Variants in ANKRD13C observed in about 807,000 individuals in gnomAD.
The protein encoded by ANKRD13C is ankyrin repeat domain 13C.
A neutral mutation model predicts 65.5 loss-of-function variants in ANKRD13C; 16 were observed. That is an observed-to-expected ratio of 0.24 (90% CI 0.17 to 0.37). The LOEUF (loss-of-function observed/expected upper bound fraction) is 0.37. Ranked by LOEUF, ANKRD13C falls within the 10% of genes least tolerant of loss-of-function variation. ANKRD13C has a pLI of 1.00. For missense variants in ANKRD13C, 503 were observed against 655.9 expected (o/e 0.77, Z 2.55); for synonymous variants, 235 against 238.7 (o/e 0.98, Z 0.14).
chr1:70,323,178 A>C (rs114321369), intron 3 of ANKRD13C, among the ~76,000 whole-genome samples: 1 of 152,176 alleles, frequency 6.6e-6, no homozygotes, highest in Admixed American at 6.5e-5. Context: ...TTTCCTTGAA[A>C]TAATTCTAGG....
chr1:70,335,279 G>A (rs528484799), intron 2 of ANKRD13C, among the ~76,000 whole-genome samples: 2 of 151,174 alleles, frequency 1.3e-5, no homozygotes, highest in Admixed American at 6.6e-5. Flanking sequence ...GGTGGCATGA[G>A]CCTGTAGTCC....
intron 9 of ANKRD13C, among the ~76,000 whole-genome samples, chr1:70,279,978 G>A (rs1254107031): frequency 6.6e-6 from 1 of 152,170 alleles, no homozygotes; most frequent in East Asian, 1.9e-4. Context: ...CAAAAGAAAA[G>A]ACTGTTTCAA....
rs201070102 is a variant in ANKRD13C, at chr1:70,274,832, A to G, written c.1296-14T>C. The G allele has an allele frequency of 9.5e-5, 148 of 1,551,260 alleles. No individual in the cohort carries two copies. In the African/African-American group the frequency reaches 1.5e-3, roughly 16 times the overall value. On this transcript the variant is annotated splice_polypyrimidine_tract_variant and intron_variant, in intron 10 of 12. Coordinates refer to ENST00000370944, the MANE Select transcript of ANKRD13C (RefSeq NM_030816.5). ...AGATGAGGAGCTCTAAAATGGGAGGAAAAAAAATGTTAGGAAACTTTTTCC... is the reference window on the plus strand; with the variant it reads ...AGATGAGGAGCTCTAAAATGGGAGGGAAAAAAATGTTAGGAAACTTTTTCC...
At chr1:70,281,904 G>A (rs1046728251) in intron 9 of ANKRD13C, among the ~76,000 whole-genome samples, 24 of 151,192 alleles carry the variant, frequency 1.6e-4, no homozygotes, top group African/African-American at 5.8e-4. Flanking sequence ...AGAGGCTGAG[G>A]CAGGAGAATC....
chr1:70,354,048 A>C lies in ANKRD13C; in HGVS notation c.361T>G (p.Phe121Val). 1 of 1,590,472 alleles carries C rather than the reference A, an allele frequency of 6.3e-7. No homozygotes were observed. The highest frequency in any genetic ancestry group is 8.6e-7 in the Non-Finnish European group (1 of 1,167,308). ...GAGAGTCTCCTCACATCCCCCTTGA[A>C]GACGCACTCGTGCACCGGGTAGTGT... ...PAHYPVHECV[F>V]KGDVRRLSSL... The change falls in exon 1 of 13, where the codon TTC (phenylalanine) becomes GTC (valine). Residue 121 changes from phenylalanine (F) to valine (V), a missense_variant. By Grantham distance (50) the Phe-to-Val change is conservative (BLOSUM62 -1). Around this residue, in one of 2 missense-constraint regions of ANKRD13C, gnomAD observed 203 missense variants for 177.6 expected, o/e 1.14. Transcript: ENST00000370944.
intron 1 of ANKRD13C, among the ~76,000 whole-genome samples, chr1:70,346,288 AC>A (rs755027558): frequency 9.2e-5 from 14 of 152,170 alleles, no homozygotes; most frequent in Non-Finnish European, 2.1e-4. Context: ...TTCATCAAAA[AC>A]ATTAAGTAAA....
intron 1 of ANKRD13C, among the ~76,000 whole-genome samples, chr1:70,343,384 T>C (rs1247737483): frequency 1.3e-5 from 2 of 152,202 alleles, no homozygotes; most frequent in Non-Finnish European, 2.9e-5. Flanking sequence ...AGCTAATTTA[T>C]TACACAAAGG....
intron 11 of ANKRD13C, among the ~76,000 whole-genome samples, chr1:70,273,032 A>G (rs1056778336): frequency 4.6e-5 from 7 of 151,690 alleles, no homozygotes; most frequent in Non-Finnish European, 8.8e-5. Flanking sequence ...TAAAATAATA[A>G]AATAAAATTG....
At chr1:70,295,072 TTTTTC>T (rs1680021983) in intron 8 of ANKRD13C, among the ~76,000 whole-genome samples, 1 of 152,098 alleles carries the variant, frequency 6.6e-6, no homozygotes, top group Non-Finnish European at 1.5e-5. Flanking sequence ...AATAATGCTA[TTTTTC>T]TTATTTCTCC....
In ANKRD13C at chr1:70,300,544, C is replaced by T. The variant is rs186379329; in HGVS notation, c.921+220G>A. 2.5e-3 allele frequency among the ~76,000 whole-genome samples: 387 copies of T among 151,904 alleles called. 1 individual carries two copies. Among genetic ancestry groups the T allele is most frequent in the Admixed American group, 4.1e-3 (63 of 15,260 alleles). Reference sequence around the variant, plus strand: ...CGGAGGTTGCAGTGAGCCTAGATCACGCCACTGCATTTCAGCCTGGGTGAC... The same window carrying T: ...CGGAGGTTGCAGTGAGCCTAGATCATGCCACTGCATTTCAGCCTGGGTGAC... On this transcript the variant is annotated intron_variant, in intron 7 of 12. Transcript: ENST00000370944.
At chr1:70,265,190 T>C (rs1175711742) in intron 12 of ANKRD13C, among the ~76,000 whole-genome samples, 1 of 152,066 alleles carries the variant, frequency 6.6e-6, no homozygotes, top group African/African-American at 2.4e-5. Context: ...AACTGGAGTT[T>C]TGGCAGATGT....
At position 70,296,157 on chromosome 1, in the gene ANKRD13C, T is replaced by C; in HGVS notation, c.1026A>G (p.Thr342=). Residue 342 remains threonine, a synonymous_variant, in exon 8 of 13, where the codon ACA becomes ACG. Transcript: ENST00000370944. ...TTTTATCTTCCCGAAAAAGCCATCC[T>C]GTCTGGGCACGCGTGAAAGAAATTG... ...TKSISFTRAQ[T]GWLFREDKTE... 6.2e-7 allele frequency: 1 copy of C among 1,613,866 alleles called. No individual in the cohort carries two copies. The highest frequency in any genetic ancestry group is 1.3e-5 in the African/African-American group (1 of 75,060).
intron 10 of ANKRD13C, among the ~76,000 whole-genome samples, 187 bp downstream of exon 10, chr1:70,276,578 C>T (rs1292633015): frequency 6.6e-6 from 1 of 152,082 alleles, no homozygotes; most frequent in East Asian, 1.9e-4. Flanking sequence ...AAAGAGGGTA[C>T]ATAATTTGGG....
At chr1:70,309,554 T>TA (rs989919837) in intron 5 of ANKRD13C, among the ~76,000 whole-genome samples, 2 of 148,654 alleles carry the variant, frequency 1.3e-5, no homozygotes, top group Non-Finnish European at 1.5e-5. Context: ...CCGTCTGTAC[T>TA]AAAAAAAAGA....
chr1:70,283,643 C>T (rs774789585), intron 9 of ANKRD13C, among the ~76,000 whole-genome samples: 1 of 151,676 alleles, frequency 6.6e-6, no homozygotes, highest in African/African-American at 2.4e-5. Context: ...GATGAAACCC[C>T]GTCTCTACTA....
intron 7 of ANKRD13C, among the ~76,000 whole-genome samples, chr1:70,297,190 A>G (rs998144296): frequency 6.6e-6 from 1 of 151,538 alleles, no homozygotes; most frequent in Non-Finnish European, 1.5e-5. Context: ...CAATAGTTAG[A>G]GCCTTCATTC....
chr1:70,317,674 ATTTAAC>A (rs1448069473), intron 3 of ANKRD13C, among the ~76,000 whole-genome samples: 1 of 152,188 alleles, frequency 6.6e-6, no homozygotes, highest in Non-Finnish European at 1.5e-5. Flanking sequence ...GTTCATTATA[ATTTAAC>A]TTTAATGTCA....
At chr1:70,349,276 A>C (rs944176519) in intron 1 of ANKRD13C, among the ~76,000 whole-genome samples, 1 of 152,158 alleles carries the variant, frequency 6.6e-6, no homozygotes. Context: ...TTTTACACTA[A>C]AGAAAAAAGT....
rs984618131 is a variant in ANKRD13C at position 70,279,124 on chromosome 1, T to C, written c.1216-2280A>G. On this transcript the variant is annotated intron_variant, in intron 9 of 12. Transcript: ENST00000370944. Reference sequence around the variant, plus strand: ...TGAAGGGCCAAGGTGGGAGGATTCCTTGAGCCCAGGACATGGAGGCTGCAG... The same window carrying C: ...TGAAGGGCCAAGGTGGGAGGATTCCCTGAGCCCAGGACATGGAGGCTGCAG... 1.1e-4 allele frequency among the ~76,000 whole-genome samples: 16 copies of C among 151,874 alleles called. No homozygotes were observed. In the East Asian group the frequency reaches 2.1e-3, roughly 20 times the overall value.
Sources: allele counts gnomAD v4.1 joint callset (sites outside exome capture counted in the v4.1 genomes callset), GRCh38; gene constraint gnomAD v4.1.1; regional missense constraint gnomAD v4.1.1; transcripts MANE v1.5; gene names NCBI Gene and HGNC (gene_info 2026-07-23, HGNC 2026-07-21).